Variants in SGCD observed in about 807,000 individuals in gnomAD.
The protein encoded by SGCD is sarcoglycan delta, also known as delta-sarcoglycan.
SGCD carries 18 observed loss-of-function variants against 36.6 expected under a neutral mutation model. The observed-to-expected ratio is 0.49, with a 90% CI of 0.34 to 0.73. The LOEUF (loss-of-function observed/expected upper bound fraction) is 0.73. Among genes scored for constraint, SGCD ranks in the 30% least tolerant of loss-of-function variants. The pLI is 0.01. For synonymous variants in SGCD, 133 were observed against 130.6 expected (o/e 1.02, Z -0.12); for missense variants, 387 against 346.7 (o/e 1.12, Z -0.92).
At chr5:155,905,548 A>T (rs1756487578) in intron 1 of SGCD, among the ~76,000 whole-genome samples, 1 of 152,090 alleles carries the variant, frequency 6.6e-6, no homozygotes, top group East Asian at 1.9e-4. Context: ...ATGAAGTCTG[A>T]CCATTGCATT....
chr5:156,332,587 A>G (rs1768122407), intron 2 of SGCD, among the ~76,000 whole-genome samples: 1 of 152,224 alleles, frequency 6.6e-6, no homozygotes. Flanking sequence ...TTCTAGACAC[A>G]TAGGAGAGAA....
the SGCD span, among the ~76,000 whole-genome samples, chr5:155,795,223 T>C: frequency 6.6e-6 from 1 of 152,106 alleles, no homozygotes; most frequent in African/African-American, 2.4e-5. Flanking sequence ...CAGGAATAAA[T>C]AGAATGAGAA....
chr5:156,492,357 C>T (rs1482553297), intron 3 of SGCD, among the ~76,000 whole-genome samples: 2 of 152,064 alleles, frequency 1.3e-5, no homozygotes, highest in African/African-American at 4.8e-5. Flanking sequence ...CAAAATCCCA[C>T]ATCTGCAATC....
At chr5:155,988,509 C>T (rs1024223104) in intron 1 of SGCD, among the ~76,000 whole-genome samples, 1 of 152,136 alleles carries the variant, frequency 6.6e-6, no homozygotes, top group African/African-American at 2.4e-5. Flanking sequence ...GGAAGAGTGA[C>T]AGACAGATAG....
intron 3 of SGCD, among the ~76,000 whole-genome samples, chr5:156,444,234 C>G (rs369410477): frequency 2.5e-4 from 37 of 150,666 alleles, no homozygotes; most frequent in Middle Eastern, 6.8e-3. Flanking sequence ...CTCTCTCTCT[C>G]TGTGTTTCTG....
intron 3 of SGCD, among the ~76,000 whole-genome samples, chr5:156,450,806 C>T (rs927658445): frequency 5.3e-5 from 8 of 151,528 alleles, no homozygotes; most frequent in Non-Finnish European, 7.4e-5. Flanking sequence ...ATTAAATCAG[C>T]GTGTGTGTTT....
rs1339865709 is a variant in SGCD at position 156,240,076 on chromosome 5, A to G, written c.-43-89458A>G. Among the ~76,000 whole-genome samples the G allele has an allele frequency of 2.0e-4, 31 of 152,286 alleles. No homozygotes were observed. The East Asian group carries it at 5.8e-3, about 28-fold the overall frequency. On this transcript the variant is annotated intron_variant, in intron 3 of 9. Transcript: ENST00000517913. ...TTGTCTAGAAGGGGAAGCCTTACCC[A>G]GTGCTGTGCTTTTGATGTGTGCTAA...
the SGCD span, among the ~76,000 whole-genome samples, chr5:155,728,428 C>T: frequency 2.0e-5 from 3 of 152,178 alleles, no homozygotes; most frequent in Non-Finnish European, 2.9e-5. Flanking sequence ...CGGCGAAGCA[C>T]CGGCGGGGAG....
the SGCD span, among the ~76,000 whole-genome samples, chr5:155,759,622 TCCA>T: frequency 6.6e-6 from 1 of 152,206 alleles, no homozygotes; most frequent in Non-Finnish European, 1.5e-5. Flanking sequence ...CTTCTTTGAA[TCCA>T]TAAGTCAGCA....
At chr5:156,471,841 G>C (rs1479635537) in intron 3 of SGCD, among the ~76,000 whole-genome samples, 1 of 151,750 alleles carries the variant, frequency 6.6e-6, no homozygotes, top group East Asian at 1.9e-4. Context: ...GAAAATGAAA[G>C]GGCACAAAAG....
intron 2 of SGCD, among the ~76,000 whole-genome samples, chr5:156,343,840 G>C (rs535552281): frequency 6.6e-6 from 1 of 151,978 alleles, no homozygotes; most frequent in Non-Finnish European, 1.5e-5. Flanking sequence ...GCCTGATAAC[G>C]GTTAGAATTG....
chr5:156,632,030 T>A (rs571177870), intron 6 of SGCD, among the ~76,000 whole-genome samples: 2 of 152,370 alleles, frequency 1.3e-5, no homozygotes, highest in East Asian at 3.9e-4. Flanking sequence ...TGTAGACTTA[T>A]CAATCACTGA....
At chr5:156,711,619 T>C (rs1317003399) in intron 7 of SGCD, among the ~76,000 whole-genome samples, 2 of 152,232 alleles carry the variant, frequency 1.3e-5, no homozygotes, top group Non-Finnish European at 2.9e-5. Context: ...GACCTGAGTT[T>C]ACTTGGCAAG....
In SGCD at chr5:155,891,292, G is replaced by A. The variant is rs141159999; in HGVS notation, c.-282+20868G>A. Among the ~76,000 whole-genome samples, 261 of 152,210 alleles carry A rather than the reference G, an allele frequency of 1.7e-3. 3 individuals are homozygous for A. In the East Asian group the frequency reaches 0.032, roughly 19 times the overall value. On this transcript the variant is annotated intron_variant, in intron 1 of 9. Coordinates refer to the SGCD transcript ENST00000517913. ...CTTACTCAACCCAAGTGTGTCTCAA[G>A]TTCCTTGTGGCTAAAAATGAAATAG...
At chr5:155,889,720 C>G (rs577111415) in intron 1 of SGCD, among the ~76,000 whole-genome samples, 2 of 152,210 alleles carry the variant, frequency 1.3e-5, no homozygotes, top group African/African-American at 4.8e-5. Flanking sequence ...GATCTTGTGG[C>G]ATCAAATGCA....
intron 7 of SGCD, among the ~76,000 whole-genome samples, chr5:156,742,231 G>A (rs1390965440): frequency 2.0e-5 from 3 of 151,994 alleles, no homozygotes; most frequent in Non-Finnish European, 4.4e-5. Context: ...TCAGCGATAC[G>A]GAAATACTCC....
intron 1 of SGCD, among the ~76,000 whole-genome samples, chr5:156,083,010 A>G (rs1760999512): frequency 6.6e-6 from 1 of 151,864 alleles, no homozygotes; most frequent in South Asian, 2.1e-4. Context: ...GCATTTTCCT[A>G]ATGGCTAATG....
chr5:155,761,882 A>G, the SGCD span, among the ~76,000 whole-genome samples: 1 of 151,934 alleles, frequency 6.6e-6, no homozygotes, highest in Non-Finnish European at 1.5e-5. Context: ...CATCCTCCCT[A>G]TTGTCCTTAC....
At chr5:155,935,280 T>C (rs939453076) in intron 1 of SGCD, among the ~76,000 whole-genome samples, 3 of 152,360 alleles carry the variant, frequency 2.0e-5, no homozygotes, top group Non-Finnish European at 4.4e-5. Context: ...TATTCATTTA[T>C]TCATTAATTA....
Sources: gnomAD v4.1 joint callset for allele counts (sites outside exome capture counted in the v4.1 genomes callset) on GRCh38, gnomAD v4.1.1 for gene constraint, MANE v1.5 for transcripts, NCBI Gene and HGNC (gene_info 2026-07-23, HGNC 2026-07-21) for gene names.